Variants in OSBPL7 observed in about 807,000 individuals in gnomAD.
The protein encoded by OSBPL7 is oxysterol binding protein like 7.
In OSBPL7, 66 loss-of-function variants were observed where a neutral mutation model predicts 115.8. That is an observed-to-expected ratio of 0.57 (90% confidence interval 0.47 to 0.70). The LOEUF (loss-of-function observed/expected upper bound fraction) is 0.70. Ranked by LOEUF, OSBPL7 falls within the 30% of genes least tolerant of loss-of-function variation. The pLI is 0.00. For missense variants in OSBPL7, 902 were observed against 1,125.5 expected (o/e 0.80, Z 2.84); for synonymous variants, 441 against 439.2 (o/e 1.00, Z -0.05).
chr17:47,810,750 G>A (rs199760789), intron 17 of OSBPL7, 22 bp downstream of exon 17: 20 of 1,613,686 alleles, frequency 1.2e-5, no homozygotes, highest in Admixed American at 6.7e-5. Context: ...GGGCCACCCC[G>A]GCCCTGCCCT....
At position 47,808,427 on chromosome 17, in the gene OSBPL7, G is replaced by C; in HGVS notation, c.2421-28C>G. On this transcript the variant is annotated intron_variant, in intron 22 of 22. Coordinates refer to ENST00000007414, the MANE Select transcript of OSBPL7 (RefSeq NM_145798.3). This position sits in a 1 kb window ranked among gnomAD's most constrained non-coding sequence, Gnocchi z 6.1. ...GGTGGGAGAAGGCGGTGGCAGTGAG[G>C]GGTGAACATCTAGAAGGCAGGCTAG... 1 of 1,613,880 alleles carries C rather than the reference G, an allele frequency of 6.2e-7. No homozygotes were observed. The highest frequency in any genetic ancestry group is 8.5e-7 in the Non-Finnish European group (1 of 1,179,774).
chr17:47,820,314 G>T lies in OSBPL7; in HGVS notation c.-36C>A, dbSNP rs368578907. ...GAGGCCACTCCCTGCTGGGGATGTAGAGCAGGGAGCAGGGTGGAAGGGGAA... is the reference window on the plus strand; with the variant it reads ...GAGGCCACTCCCTGCTGGGGATGTATAGCAGGGAGCAGGGTGGAAGGGGAA... On this transcript the variant is annotated 5_prime_UTR_variant, in exon 2 of 23. Coordinates refer to ENST00000007414, the MANE Select transcript of OSBPL7 (RefSeq NM_145798.3). 76 of 1,594,038 alleles carry T rather than the reference G, an allele frequency of 4.8e-5. 1 individual carries two copies. The African/African-American group carries it at 8.6e-4, about 18-fold the overall frequency.
At chr17:47,809,906 CTTTTCTTTTTTT>C (rs2032985314) in intron 18 of OSBPL7, among the ~76,000 whole-genome samples, 1 of 127,316 alleles carries the variant, frequency 7.9e-6, no homozygotes, top group African/African-American at 3.1e-5. Flanking sequence ...CTTTTCTTTT[CTTTTCTTTTTTT>C]TTTTTTTTTG....
intron 12 of OSBPL7, 108 bp downstream of exon 12, chr17:47,815,999 C>T: frequency 1.1e-6 from 1 of 897,530 alleles, no homozygotes; most frequent in Non-Finnish European, 1.7e-6. Flanking sequence ...GATTTTTGGG[C>T]TGTCTTTGGG....
intron 18 of OSBPL7, among the ~76,000 whole-genome samples, chr17:47,809,708 C>G (rs1252219558): frequency 3.3e-5 from 5 of 152,140 alleles, no homozygotes; most frequent in Admixed American, 6.5e-5. Context: ...AGTGCCTGAG[C>G]AACAGGGATG....
In OSBPL7 at chr17:47,810,821, G is replaced by C; in HGVS notation, c.1752C>G (p.Pro584=). 4 of 1,613,736 alleles carry C rather than the reference G, an allele frequency of 2.5e-6. No homozygotes were observed. Among genetic ancestry groups the C allele is most frequent in the Non-Finnish European group, 3.4e-6 (4 of 1,179,934 alleles). Residue 584 remains proline (P), a synonymous_variant, in exon 17 of 23, where the codon CCC becomes CCG. Transcript: ENST00000007414. The stretch of plus-strand genomic sequence containing the variant: ...ACTCTGCATGGCAGGCCGAGATAGG[G>C]GGGTGGTGGGAGACCTTGGTGAGCA... The part of the protein sequence containing the change: ...RFISEQVSHH[P]PISACHAESE...
In OSBPL7 at chr17:47,809,430, A is replaced by G. The variant is rs1368436490; in HGVS notation, c.1929T>C (p.Asn643=). The part of the protein sequence containing the change: ...EWNKVTSCIH[N]VLSGQRWIEH... ...CGATCCAGCGCTGACCACTCAGGACATTGTGAATGCAGGATGTCACCTTGT... is the reference window on the plus strand; with the variant it reads ...CGATCCAGCGCTGACCACTCAGGACGTTGTGAATGCAGGATGTCACCTTGT... The change falls in exon 19 of 23, where the codon AAT becomes AAC. Residue 643 remains asparagine (N), a synonymous_variant. Coordinates refer to ENST00000007414, the MANE Select transcript of OSBPL7 (RefSeq NM_145798.3). The G allele has an allele frequency of 7.4e-6, 12 of 1,613,822 alleles. No individual in the cohort carries two copies. Among genetic ancestry groups the G allele is most frequent in the African/African-American group, 4.0e-5 (3 of 74,924 alleles).
rs768403133 is a variant in OSBPL7 at position 47,813,296 on chromosome 17, A to G, written c.1707T>C (p.Pro569=). Residue 569 remains proline, a synonymous_variant, in exon 16 of 23, where the codon CCT becomes CCC. Transcript: ENST00000007414. Reference sequence around the variant, plus strand: ...CACTGATGAAGCGGAAGCCTCGGTCAGGCCGCTCACACTCGTAGGTCTCCC... The same window carrying G: ...CACTGATGAAGCGGAAGCCTCGGTCGGGCCGCTCACACTCGTAGGTCTCCC... The part of the protein sequence containing the change: ...VLGETYECER[P]DRGFRFISEQ... The G allele has an allele frequency of 6.2e-7, 1 of 1,614,054 alleles. No individual in the cohort carries two copies. The highest frequency in any genetic ancestry group is 1.1e-5 in the South Asian group (1 of 91,078).
intron 14 of OSBPL7, 30 bp downstream of exon 14, chr17:47,814,491 C>CCCCT: frequency 7.5e-7 from 1 of 1,334,186 alleles, no homozygotes; most frequent in Non-Finnish European, 1.1e-6. Flanking sequence ...CCGCCTCCCA[C>CCCCT]CCCTCCCTGC....
rs1332531862 is a variant in OSBPL7 at position 47,821,717 on chromosome 17, TGAGTCACCGTCTCC to T, written c.-153_-140del. On this transcript the variant is annotated 5_prime_UTR_variant, in exon 1 of 23. Coordinates refer to ENST00000007414, the MANE Select transcript of OSBPL7 (RefSeq NM_145798.3). ...CTTGGCCCTTGCGCCGCTCTGCCTCTGAGTCACCGTCTCCGAGTCACCGGCTCCCTCCTCACCGC... is the reference window on the plus strand; with the variant it reads ...CTTGGCCCTTGCGCCGCTCTGCCTCTGAGTCACCGGCTCCCTCCTCACCGC... 6.6e-6 allele frequency: 1 copy of T among 152,486 alleles called. No homozygotes were observed. Among genetic ancestry groups the T allele is most frequent in the African/African-American group, 2.4e-5 (1 of 41,586 alleles). 9.4% of individuals were successfully genotyped at this position (152,486 alleles called of 1,614,324 possible).
chr17:47,808,267 A>G lies in OSBPL7; in HGVS notation c.*24T>C, dbSNP rs2032917389. ...GGAGGCAGGAGGAGTGAGGAACCAG[A>G]GCCTCCTGCCCCCGGGGCCAGGGCT... On this transcript the variant is annotated 3_prime_UTR_variant, in exon 23 of 23. Coordinates refer to ENST00000007414, the MANE Select transcript of OSBPL7 (RefSeq NM_145798.3). This position sits in a 1 kb window ranked among gnomAD's most constrained non-coding sequence, Gnocchi z 6.1. The G allele has an allele frequency of 3.2e-6, 5 of 1,549,752 alleles. No homozygotes were observed. Among genetic ancestry groups the G allele is most frequent in the African/African-American group, 1.4e-5 (1 of 73,480 alleles).
intron 5 of OSBPL7, 127 bp from the exon 6 acceptor site, chr17:47,818,743 T>A (rs2033308048): frequency 1.1e-6 from 1 of 899,384 alleles, no homozygotes; most frequent in Non-Finnish European, 1.7e-6. Flanking sequence ...TGTGCAAGGC[T>A]CACTTGCAGG....
Position 47,808,748 on chromosome 17 carries a change from T to C in OSBPL7, c.2298-88A>G, listed in dbSNP as rs1400809188. On this transcript the variant is annotated intron_variant, in intron 21 of 22. Transcript: ENST00000007414. The surrounding 1 kb of genome is among the most constrained non-coding windows in gnomAD (Gnocchi z 6.1). ...TCTGTCTCTGCCCAACTCTGTCCTC[T>C]AGACAAGCCCCACTTCTCTGAGGCC... 2 of 1,602,642 alleles carry C rather than the reference T, an allele frequency of 1.2e-6. No homozygotes were observed. Among genetic ancestry groups the C allele is most frequent in the Non-Finnish European group, 1.7e-6 (2 of 1,173,214 alleles).
intron 1 of OSBPL7, chr17:47,820,958 G>C (rs1359313890): frequency 2.0e-5 from 3 of 152,120 alleles, no homozygotes; most frequent in Non-Finnish European, 1.5e-5. Flanking sequence ...ATGCCCCTAG[G>C]ATGCCCTTTT....
In OSBPL7 at chr17:47,814,532, C is replaced by T. The variant is rs746033018; in HGVS notation, c.1340G>A (p.Arg447His). The change falls in exon 14 of 23, where the codon CGC (arginine) becomes CAC (histidine). Residue 447 changes from arginine (R) to histidine (H), a missense_variant. Around this residue, in one of 3 missense-constraint regions of OSBPL7, gnomAD observed 667 missense variants for 788.7 expected, o/e 0.85. Coordinates refer to ENST00000007414, the MANE Select transcript of OSBPL7 (RefSeq NM_145798.3). ...CACCCAGCTGGCACCTTTCTGACAGCGCTCAGCTCCCCTGAGGTCCAGCAT... is the reference window on the plus strand; with the variant it reads ...CACCCAGCTGGCACCTTTCTGACAGTGCTCAGCTCCCCTGAGGTCCAGCAT... ...EEMLDLRGAE[R>H]CQKGGCVPGR... 2.5e-5 allele frequency: 41 copies of T among 1,612,192 alleles called. No individual in the cohort carries two copies. The highest frequency in any genetic ancestry group is 1.7e-4 in the Middle Eastern group (1 of 6,040).
chr17:47,812,048 A>AAACC (rs1477195933), intron 16 of OSBPL7, among the ~76,000 whole-genome samples: 1 of 152,038 alleles, frequency 6.6e-6, no homozygotes, highest in Non-Finnish European at 1.5e-5. Context: ...CCAAACAAAC[A>AAACC]AACAAACACA....
chr17:47,813,787 GGCA>G lies in OSBPL7; in HGVS notation c.1396_1398del (p.Cys466del), dbSNP rs747898470. The G allele has an allele frequency of 6.2e-7, 1 of 1,612,642 alleles. No individual in the cohort carries two copies. Among genetic ancestry groups the G allele is most frequent in the Non-Finnish European group, 8.5e-7 (1 of 1,179,800 alleles). On this transcript the variant is annotated inframe_deletion, in exon 15 of 23. Coordinates refer to ENST00000007414, the MANE Select transcript of OSBPL7 (RefSeq NM_145798.3). ...GCCCCAGGCCCGCTGGCCGCCGGCA[GGCA>G]GCGACGGCGGGGTGGCCCCATGGGT...
At chr17:47,819,912 G>GCCCCCCCGTGCCCCCCCCC in intron 3 of OSBPL7, 59 bp downstream of exon 3, 1 of 1,485,448 alleles carries the variant, frequency 6.7e-7, no homozygotes, top group African/African-American at 1.4e-5. Context: ...CCCAGCAGCT[G>GCCCCCCCGTGCCCCCCCCC]CCCCCCATTC....
intron 18 of OSBPL7, among the ~76,000 whole-genome samples, chr17:47,809,764 A>G (rs1301755293): frequency 6.6e-6 from 1 of 152,250 alleles, no homozygotes; most frequent in Non-Finnish European, 1.5e-5. Flanking sequence ...AACCGTGTGT[A>G]CGTTCACATC....
Sources: gnomAD v4.1 joint callset for allele counts (sites outside exome capture counted in the v4.1 genomes callset) on GRCh38, gnomAD v4.1.1 for gene constraint, gnomAD v4.1.1 regional missense constraint, Gnocchi (gnomAD v3.1) non-coding constraint, MANE v1.5 for transcripts, NCBI Gene and HGNC (gene_info 2026-07-23, HGNC 2026-07-21) for gene names.